CSMD1: variants seen among roughly 807,000 people sequenced by gnomAD.
CSMD1 encodes CUB and sushi domain-containing protein 1.
Under a neutral mutation model 417.5 loss-of-function variants are expected in CSMD1, and 213 were observed. The ratio of observed to expected loss-of-function variants is 0.51; its 90% CI spans 0.46 to 0.57. CSMD1 has a LOEUF of 0.57. Among genes scored for constraint, CSMD1 ranks in the 20% least tolerant of loss-of-function variants. The pLI is 0.00. For synonymous variants in CSMD1, 2,862 were observed against 1,736.8 expected (o/e 1.65, Z -16.11); for missense variants, 6,923 against 4,529.7 (o/e 1.53, Z -15.17).
intron 2 of CSMD1, among the ~76,000 whole-genome samples, chr8:4,488,285 TC>T (rs1277923059): frequency 1.3e-5 from 2 of 152,144 alleles, no homozygotes; most frequent in Non-Finnish European, 2.9e-5. Context: ...CTGAAAGACC[TC>T]TACTTCATAT....
At chr8:4,892,059 G>C (rs749680267) in intron 1 of CSMD1, among the ~76,000 whole-genome samples, 15 of 152,116 alleles carry the variant, frequency 9.9e-5, no homozygotes, top group Non-Finnish European at 1.6e-4. Flanking sequence ...TTCTGAGTCA[G>C]TAGAAGGTGC....
intron 3 of CSMD1, among the ~76,000 whole-genome samples, chr8:4,345,366 G>A (rs1280985725): frequency 1.3e-5 from 2 of 152,026 alleles, no homozygotes; most frequent in African/African-American, 2.4e-5. Flanking sequence ...TTTTTGACAT[G>A]TAATTATACA....
intron 5 of CSMD1, among the ~76,000 whole-genome samples, chr8:3,898,152 T>A (rs1375246664): frequency 6.6e-6 from 1 of 151,938 alleles, no homozygotes; most frequent in Non-Finnish European, 1.5e-5. Flanking sequence ...CAAAGTGGAG[T>A]CAACTATAAG....
chr8:3,761,153 C>G (rs1320897800), intron 5 of CSMD1, among the ~76,000 whole-genome samples: 1 of 152,104 alleles, frequency 6.6e-6, no homozygotes, highest in East Asian at 1.9e-4. Flanking sequence ...TGAGTTTATA[C>G]AACTGTTCCA....
chr8:3,536,845 C>T (rs561298480), intron 10 of CSMD1, among the ~76,000 whole-genome samples: 25 of 152,202 alleles, frequency 1.6e-4, no homozygotes, highest in Non-Finnish European at 3.2e-4. Context: ...TCCCACGGTC[C>T]GTGTTCTGTG....
chr8:4,404,893 C>A (rs539789212), intron 3 of CSMD1, among the ~76,000 whole-genome samples: 1 of 152,158 alleles, frequency 6.6e-6, no homozygotes, highest in African/African-American at 2.4e-5. Context: ...TTATTTCGCT[C>A]ATTGAATTTT....
intron 12 of CSMD1, among the ~76,000 whole-genome samples, chr8:3,431,611 C>A (rs569921066): frequency 9.9e-5 from 15 of 152,216 alleles, no homozygotes; most frequent in Middle Eastern, 6.8e-3. Context: ...TGATTTACCT[C>A]ATTTCCACCA....
Position 3,308,499 on chromosome 8 carries a change from A to G in CSMD1, c.3636T>C (p.Phe1212=). The G allele has an allele frequency of 6.2e-7, 1 of 1,610,016 alleles. No homozygotes were observed. Among genetic ancestry groups the G allele is most frequent in the Non-Finnish European group, 8.5e-7 (1 of 1,177,184 alleles). ...CCGGATCCTCACATTTTACCAGATC[A>G]AAACCTGCAAGAGAGAAAGGCAAGG... is the stretch of plus-strand genomic sequence containing the variant. ...DQGFQLTYTS[F]DLVKCEDPGI... The change falls in exon 24 of 70, where the codon TTT becomes TTC. Residue 1212 remains phenylalanine (F), a synonymous_variant. Transcript: ENST00000635120.
Position 4,395,907 on chromosome 8 carries a change from T to G in CSMD1, c.415+24046A>C, listed in dbSNP as rs866011261. On this transcript the variant is annotated intron_variant, in intron 3 of 69. Transcript: ENST00000635120. The stretch of plus-strand genomic sequence containing the variant: ...TATCTAGAAACACATATAAGTGTAA[T>G]TGTAAGTCTGACAGTTTTTGTAACC... 7.3e-4 allele frequency among the ~76,000 whole-genome samples: 111 copies of G among 152,348 alleles called. 1 individual carries two copies. Among genetic ancestry groups the G allele is most frequent in the African/African-American group, 2.5e-3 (102 of 41,584 alleles).
chr8:3,864,079 A>C (rs1480237532), intron 5 of CSMD1, among the ~76,000 whole-genome samples: 2 of 152,188 alleles, frequency 1.3e-5, no homozygotes, highest in Non-Finnish European at 2.9e-5. Flanking sequence ...ATATTTAAGT[A>C]AACATACAAT....
At chr8:4,663,166 G>C (rs967876956) in intron 1 of CSMD1, among the ~76,000 whole-genome samples, 1 of 152,150 alleles carries the variant, frequency 6.6e-6, no homozygotes, top group Non-Finnish European at 1.5e-5. Flanking sequence ...AAACCCACTG[G>C]ATCAGCTGGG....
At chr8:4,843,791 C>T (rs1441947285) in intron 1 of CSMD1, among the ~76,000 whole-genome samples, 1 of 152,154 alleles carries the variant, frequency 6.6e-6, no homozygotes, top group African/African-American at 2.4e-5. Context: ...GTTGAATGAA[C>T]AAACTGATAC....
At chr8:4,641,133 T>G (rs991946624) in intron 1 of CSMD1, among the ~76,000 whole-genome samples, 1 of 151,500 alleles carries the variant, frequency 6.6e-6, no homozygotes, top group African/African-American at 2.4e-5. Context: ...CATCTGTAAT[T>G]GCATGGATAC....
chr8:4,168,313 T>C (rs1308369820), intron 3 of CSMD1, among the ~76,000 whole-genome samples: 1 of 151,948 alleles, frequency 6.6e-6, no homozygotes, highest in Non-Finnish European at 1.5e-5. Flanking sequence ...AAGGGCTCCC[T>C]TGAGACCAAA....
intron 2 of CSMD1, among the ~76,000 whole-genome samples, chr8:4,599,513 T>C (rs532471192): frequency 1.3e-5 from 2 of 152,146 alleles, no homozygotes; most frequent in East Asian, 3.9e-4. Flanking sequence ...ACCATCAGTT[T>C]TTTTTTTTAC....
chr8:4,165,280 G>A (rs1214987022), intron 3 of CSMD1, among the ~76,000 whole-genome samples: 1 of 152,226 alleles, frequency 6.6e-6, no homozygotes, highest in Non-Finnish European at 1.5e-5. Context: ...TACAGCTGTT[G>A]ATCCACTCGG....
chr8:3,726,656 G>A (rs1563315053), intron 6 of CSMD1, among the ~76,000 whole-genome samples: 1 of 152,128 alleles, frequency 6.6e-6, no homozygotes, highest in Non-Finnish European at 1.5e-5. Context: ...CCATCATACA[G>A]GTGACATCAG....
At chr8:4,720,809 C>A (rs1020630982) in intron 1 of CSMD1, among the ~76,000 whole-genome samples, 4 of 152,064 alleles carry the variant, frequency 2.6e-5, no homozygotes, top group African/African-American at 9.7e-5. Context: ...ATCTAAAGAT[C>A]AACAACGGCC....
intron 3 of CSMD1, among the ~76,000 whole-genome samples, chr8:4,273,659 T>G (rs907435678): frequency 2.0e-5 from 3 of 152,184 alleles, no homozygotes; most frequent in African/African-American, 7.2e-5. Context: ...AGAGCAGTAA[T>G]CTGTAGCAAA....
Sources: gnomAD v4.1 joint callset for allele counts (sites outside exome capture counted in the v4.1 genomes callset) on GRCh38, gnomAD v4.1.1 for gene constraint, MANE v1.5 for transcripts, NCBI Gene and HGNC (gene_info 2026-07-23, HGNC 2026-07-21) for gene names.